Variants in CCSER1 observed in about 807,000 individuals in gnomAD.
CCSER1 encodes the protein serine-rich coiled-coil domain-containing protein 1.
Under a neutral mutation model 82.0 loss-of-function variants are expected in CCSER1, and 41 were observed. The observed-to-expected ratio is 0.50, with a 90% CI of 0.39 to 0.65. The LOEUF (loss-of-function observed/expected upper bound fraction) is 0.65, where lower values mean the gene tolerates loss of function less well. CCSER1 is among the 30% of genes least tolerant of loss of function. The pLI is 0.00. For synonymous variants in CCSER1, 414 were observed against 383.9 expected (o/e 1.08, Z -0.92); for missense variants, 1,119 against 1,064.2 (o/e 1.05, Z -0.72).
intron 6 of CCSER1, among the ~76,000 whole-genome samples, chr4:90,674,208 A>G (rs575593753): frequency 6.6e-6 from 1 of 152,076 alleles, no homozygotes; most frequent in Admixed American, 6.6e-5. Context: ...TTCAATAGAG[A>G]GAATTATGCT....
intron 9 of CCSER1, among the ~76,000 whole-genome samples, chr4:90,978,879 C>T (rs1337057235): frequency 6.6e-6 from 1 of 151,628 alleles, no homozygotes; most frequent in African/African-American, 2.4e-5. Context: ...CTTTGAATAC[C>T]AGTTTCCCAT....
At chr4:90,669,819 A>G (rs1308727749) in intron 6 of CCSER1, among the ~76,000 whole-genome samples, 1 of 152,132 alleles carries the variant, frequency 6.6e-6, no homozygotes, top group African/African-American at 2.4e-5. Context: ...TGCTTTTAAT[A>G]TAAGTTCAAT....
intron 10 of CCSER1, among the ~76,000 whole-genome samples, chr4:91,380,634 G>T (rs1371024662): frequency 1.3e-5 from 2 of 151,998 alleles, no homozygotes; most frequent in Non-Finnish European, 2.9e-5. Flanking sequence ...TTGAGCCTTT[G>T]TGTGTCTCTG....
chr4:91,598,499 A>G, intron 10 of CCSER1, 73 bp from the exon 11 acceptor site: 1 of 1,394,546 alleles, frequency 7.2e-7, no homozygotes, highest in Non-Finnish European at 9.5e-7. Context: ...ATGTATAAAT[A>G]TCACTCTGTA....
intron 8 of CCSER1, among the ~76,000 whole-genome samples, chr4:90,899,188 G>A (rs1434337798): frequency 6.6e-6 from 1 of 151,756 alleles, no homozygotes; most frequent in Admixed American, 6.6e-5. Context: ...TATATTTTTA[G>A]GTATTTTATT....
chr4:91,521,158 G>A (rs1760448072), intron 10 of CCSER1, among the ~76,000 whole-genome samples: 1 of 152,158 alleles, frequency 6.6e-6, no homozygotes, highest in Non-Finnish European at 1.5e-5. Flanking sequence ...CCTTGTGATA[G>A]TTTGCTGAGA....
chr4:91,400,142 A>G (rs1260528884), intron 10 of CCSER1, among the ~76,000 whole-genome samples: 4 of 152,134 alleles, frequency 2.6e-5, no homozygotes, highest in Non-Finnish European at 4.4e-5. Context: ...CTTATTGCCT[A>G]TGCAATTTGT....
At chr4:90,934,149 G>A (rs1160239114) in intron 9 of CCSER1, among the ~76,000 whole-genome samples, 1 of 151,892 alleles carries the variant, frequency 6.6e-6, no homozygotes, top group African/African-American at 2.4e-5. Flanking sequence ...ACAATAGGAG[G>A]CTATTTGATA....
chr4:91,304,909 T>C (rs1048644422), intron 10 of CCSER1, among the ~76,000 whole-genome samples: 5 of 152,082 alleles, frequency 3.3e-5, no homozygotes, highest in African/African-American at 7.2e-5. Flanking sequence ...TGGTGAATCA[T>C]ATGTTTTTCT....
At chr4:90,157,981 G>T (rs139834805) in intron 1 of CCSER1, among the ~76,000 whole-genome samples, 3,574 of 152,078 alleles carry the variant, frequency 0.024, 132 homozygotes, top group African/African-American at 0.08. Context: ...TTTTCTGCTC[G>T]GTTTTTCCCC....
chr4:90,297,297 C>T (rs1732153168), intron 1 of CCSER1, among the ~76,000 whole-genome samples: 1 of 148,206 alleles, frequency 6.7e-6, no homozygotes, highest in African/African-American at 2.6e-5. Flanking sequence ...CTCTGTTTGT[C>T]TGTTATTGGT....
intron 7 of CCSER1, among the ~76,000 whole-genome samples, chr4:90,745,581 C>T (rs1051965081): frequency 1.3e-5 from 2 of 151,278 alleles, no homozygotes; most frequent in African/African-American, 4.9e-5. Flanking sequence ...TAAGTATTTG[C>T]AATGCACATT....
At chr4:90,656,111 G>A (rs1416704009) in intron 6 of CCSER1, among the ~76,000 whole-genome samples, 1 of 151,812 alleles carries the variant, frequency 6.6e-6, no homozygotes, top group Non-Finnish European at 1.5e-5. Flanking sequence ...TTGACAGGTT[G>A]ACATTAAAAA....
intron 1 of CCSER1, among the ~76,000 whole-genome samples, chr4:90,196,582 C>T (rs1163996304): frequency 1.3e-5 from 2 of 150,910 alleles, no homozygotes; most frequent in Non-Finnish European, 1.5e-5. Flanking sequence ...CACCTTTCTG[C>T]CTAATCCTTC....
chr4:91,532,822 A>T (rs114462714), intron 10 of CCSER1, among the ~76,000 whole-genome samples: 2,432 of 151,948 alleles, frequency 0.016, 39 homozygotes, highest in Non-Finnish European at 0.026. Context: ...GTGAGCCAAG[A>T]TCACACCACT....
chr4:91,068,433 T>A (rs144160096), intron 9 of CCSER1, among the ~76,000 whole-genome samples: 4 of 152,340 alleles, frequency 2.6e-5, no homozygotes, highest in Non-Finnish European at 5.9e-5. Context: ...CTGTTATGTT[T>A]TGCTGTTCCT....
intron 5 of CCSER1, among the ~76,000 whole-genome samples, chr4:90,615,938 A>G (rs1310522804): frequency 1.3e-5 from 2 of 152,116 alleles, no homozygotes; most frequent in Non-Finnish European, 2.9e-5. Flanking sequence ...TATTTCAGGA[A>G]ATTGCCACAG....
chr4:91,531,551 A>G (rs893827186), intron 10 of CCSER1, among the ~76,000 whole-genome samples: 1 of 152,208 alleles, frequency 6.6e-6, no homozygotes, highest in South Asian at 2.1e-4. Context: ...TAACTTACAG[A>G]TAGTAAATTG....
intron 8 of CCSER1, among the ~76,000 whole-genome samples, chr4:90,913,966 C>T (rs1581054114): frequency 6.6e-6 from 1 of 152,188 alleles, no homozygotes; most frequent in Admixed American, 6.5e-5. Context: ...TGCATGCACC[C>T]ATTACAGGAG....
Sources: allele counts gnomAD v4.1 joint callset (sites outside exome capture counted in the v4.1 genomes callset), GRCh38; gene constraint gnomAD v4.1.1; transcripts MANE v1.5; gene names NCBI Gene and HGNC (gene_info 2026-07-23, HGNC 2026-07-21).